The following NR2F1-AS1 variants were observed in gnomAD, a reference collection of about 807,000 sequenced individuals.
The protein encoded by NR2F1-AS1 is NR2F1 antisense RNA 1.
At position 93,579,450 on chromosome 5, in the gene NR2F1-AS1, G is replaced by A. The variant is rs998231794; in HGVS notation, n.313+1017C>T. On this transcript the variant is annotated intron_variant and non_coding_transcript_variant, in intron 1 of 5. Coordinates refer to ENST00000660523, the Ensembl canonical transcript of NR2F1-AS1. The surrounding 1 kb of genome is among the most constrained non-coding windows in gnomAD (Gnocchi z 5.1). ...TTTCAAGTTTGAAAGCTCTGTGGGG[G>A]CACGGAGAGCCCACAGTAAGGATGG... is the stretch of plus-strand genomic sequence containing the variant. 5.3e-5 allele frequency among the ~76,000 whole-genome samples: 8 copies of A among 152,168 alleles called. No homozygotes were observed. Among genetic ancestry groups the A allele is most frequent in the African/African-American group, 1.7e-4 (7 of 41,456 alleles).
At chr5:93,462,292 T>C (rs1168107666) in intron 4 of NR2F1-AS1, among the ~76,000 whole-genome samples, 1 of 152,080 alleles carries the variant, frequency 6.6e-6, no homozygotes, top group Non-Finnish European at 1.5e-5. Context: ...TCTGATGGTT[T>C]TTAAAATGGG....
chr5:93,478,455 G>A (rs1218961234), intron 4 of NR2F1-AS1, among the ~76,000 whole-genome samples: 1 of 152,178 alleles, frequency 6.6e-6, no homozygotes, highest in African/African-American at 2.4e-5. Context: ...CCAGGCTGGA[G>A]TACGGTGGCA....
chr5:93,569,794 GGATTT>G (rs1407937336), intron 1 of NR2F1-AS1: 1 of 152,154 alleles, frequency 6.6e-6, no homozygotes, highest in Non-Finnish European at 1.5e-5. Context: ...CAGTGAATCT[GGATTT>G]ATTTAAAAAG....
At chr5:93,554,615 C>G (rs1752310949) in intron 3 of NR2F1-AS1, among the ~76,000 whole-genome samples, 1 of 151,860 alleles carries the variant, frequency 6.6e-6, no homozygotes, top group East Asian at 1.9e-4. Context: ...AATAAGAAGC[C>G]ATTAAAACTA....
intron 4 of NR2F1-AS1, among the ~76,000 whole-genome samples, chr5:93,545,345 C>T (rs1227945738): frequency 6.6e-6 from 1 of 152,156 alleles, no homozygotes; most frequent in African/African-American, 2.4e-5. Flanking sequence ...GTGACCTACC[C>T]CCAGTCCCCC....
At chr5:93,561,738 A>G (rs757662799) in intron 2 of NR2F1-AS1, among the ~76,000 whole-genome samples, 2 of 152,084 alleles carry the variant, frequency 1.3e-5, no homozygotes, top group Non-Finnish European at 2.9e-5. Flanking sequence ...ACACCACTGC[A>G]CTCCAGCTCA....
Position 93,576,283 on chromosome 5 carries a change from A to C in NR2F1-AS1, n.313+4184T>G, listed in dbSNP as rs942637294. On this transcript the variant is annotated intron_variant and non_coding_transcript_variant, in intron 1 of 5. Coordinates refer to ENST00000660523, the Ensembl canonical transcript of NR2F1-AS1. The stretch of plus-strand genomic sequence containing the variant: ...ATCCCCGAGTTTTGTTAGATCATGC[A>C]TTCAGAATACTTTATTAACTCCCCC... Among the ~76,000 whole-genome samples the C allele has an allele frequency of 3.9e-5, 6 of 152,332 alleles. No individual in the cohort carries two copies. In the East Asian group the frequency reaches 1.2e-3, roughly 29 times the overall value.
chr5:93,454,592 T>C (rs758956720), intron 4 of NR2F1-AS1, among the ~76,000 whole-genome samples: 20 of 152,136 alleles, frequency 1.3e-4, no homozygotes, highest in Non-Finnish European at 2.6e-4. Context: ...TCTAACGAGG[T>C]AACTCTTGGC....
intron 4 of NR2F1-AS1, among the ~76,000 whole-genome samples, chr5:93,550,075 T>C (rs1211138398): frequency 6.6e-6 from 1 of 151,378 alleles, no homozygotes; most frequent in Non-Finnish European, 1.5e-5. Context: ...GTAACAAACC[T>C]GCATGTTCTG....
At position 93,440,184 on chromosome 5, in the gene NR2F1-AS1, T is replaced by G. The variant is rs547711002; in HGVS notation, n.639-44642A>C. 3.2e-4 allele frequency among the ~76,000 whole-genome samples: 49 copies of G among 151,052 alleles called. No individual in the cohort carries two copies. In the South Asian group the frequency reaches 6.6e-3, roughly 20 times the overall value. ...TCAATCCTCTTTCTCTCGCTCGCTCTCTCTCTCTGTCTCTCTCTCTCTCTC... is the reference window on the plus strand; with the variant it reads ...TCAATCCTCTTTCTCTCGCTCGCTCGCTCTCTCTGTCTCTCTCTCTCTCTC... On this transcript the variant is annotated intron_variant and non_coding_transcript_variant, in intron 4 of 5. Transcript: ENST00000660523.
chr5:93,563,094 T>G (rs1047114945), intron 2 of NR2F1-AS1, among the ~76,000 whole-genome samples: 9 of 152,228 alleles, frequency 5.9e-5, no homozygotes, highest in Non-Finnish European at 1.3e-4. Flanking sequence ...AATCTCAACT[T>G]GGTCTAAAGT....
rs1479992790 is a variant in NR2F1-AS1, at chr5:93,579,415, C to G, written n.313+1052G>C. Among the ~76,000 whole-genome samples, 2 of 152,178 alleles carry G rather than the reference C, an allele frequency of 1.3e-5. No homozygotes were observed. The highest frequency in any genetic ancestry group is 2.9e-5 in the Non-Finnish European group (2 of 68,022). The stretch of plus-strand genomic sequence containing the variant: ...CCACCGCTAGGGTCACGCCGGGTCC[C>G]AGGGGCCTCTTTCAAGTTTGAAAGC... On this transcript the variant is annotated intron_variant and non_coding_transcript_variant, in intron 1 of 5. Coordinates refer to ENST00000660523, the Ensembl canonical transcript of NR2F1-AS1. This position sits in a 1 kb window ranked among gnomAD's most constrained non-coding sequence, Gnocchi z 5.1.
chr5:93,569,639 G>A (rs1209543759), intron 1 of NR2F1-AS1, among the ~76,000 whole-genome samples: 1 of 152,114 alleles, frequency 6.6e-6, no homozygotes, highest in Admixed American at 6.5e-5. Context: ...AAGAACCACT[G>A]AATTAAATTC....
intron 1 of NR2F1-AS1, among the ~76,000 whole-genome samples, chr5:93,567,211 T>C (rs1055364472): frequency 2.0e-5 from 3 of 152,108 alleles, no homozygotes; most frequent in African/African-American, 7.2e-5. Flanking sequence ...TATTTGTCAA[T>C]CACATAGACA....
At chr5:93,506,730 T>G (rs555726553) in intron 4 of NR2F1-AS1, among the ~76,000 whole-genome samples, 24 of 152,216 alleles carry the variant, frequency 1.6e-4, no homozygotes, top group African/African-American at 4.8e-4. Flanking sequence ...ATGTTTCAAT[T>G]AGCTCCCCCG....
chr5:93,527,833 C>T (rs868266531), intron 4 of NR2F1-AS1, among the ~76,000 whole-genome samples: 11 of 152,012 alleles, frequency 7.2e-5, no homozygotes, highest in Non-Finnish European at 1.6e-4. Flanking sequence ...TTACACCTTA[C>T]ACAAAAATTA....
At chr5:93,411,311 C>T (rs888431144) in intron 4 of NR2F1-AS1, 4 of 152,264 alleles carry the variant, frequency 2.6e-5, no homozygotes, top group Admixed American at 1.3e-4. Flanking sequence ...TAGTGAGGCA[C>T]ACCATCTTGA....
At chr5:93,426,924 G>T (rs1386833853) in intron 4 of NR2F1-AS1, among the ~76,000 whole-genome samples, 1 of 152,130 alleles carries the variant, frequency 6.6e-6, no homozygotes, top group Admixed American at 6.5e-5. Flanking sequence ...GACCATTTCT[G>T]GTAGTACAGG....
At chr5:93,453,498 C>T (rs536234704) in intron 4 of NR2F1-AS1, among the ~76,000 whole-genome samples, 179 of 151,952 alleles carry the variant, frequency 1.2e-3, no homozygotes, top group Non-Finnish European at 1.9e-3. Context: ...CATATAATAA[C>T]ATCATAACAT....
Sources: allele counts gnomAD v4.1 joint callset (sites outside exome capture counted in the v4.1 genomes callset), GRCh38; gene constraint gnomAD v4.1.1; non-coding constraint Gnocchi (gnomAD v3.1); transcripts MANE v1.5; gene names NCBI Gene and HGNC (gene_info 2026-07-23, HGNC 2026-07-21).